PJA2: variants seen among roughly 807,000 people sequenced by gnomAD.
PJA2 encodes the protein praja ring finger ubiquitin ligase 2.
A neutral mutation model predicts 69.3 loss-of-function variants in PJA2; 25 were observed. The observed-to-expected ratio is 0.36, with a 90% confidence interval of 0.26 to 0.50. PJA2 has a LOEUF of 0.50. Ranked by LOEUF, PJA2 falls within the 20% of genes least tolerant of loss-of-function variation. The pLI is 0.96. For missense variants in PJA2, 809 were observed against 830.2 expected (o/e 0.97, Z 0.31); for synonymous variants, 308 against 277.8 (o/e 1.11, Z -1.08).
intron 1 of PJA2, among the ~76,000 whole-genome samples, chr5:109,396,729 T>C (rs1016976880): frequency 1.3e-4 from 15 of 111,852 alleles, no homozygotes; most frequent in Admixed American, 2.7e-4. Context: ...CGGCCTAACA[T>C]GTAAAGTTCT....
rs931596645 is a variant in PJA2 at position 109,384,841 on chromosome 5, C to T, written c.-87-1321G>A. ...GTTTTAACTTTTTTTTTTTTGAGGGCGAGTCTTGCTCTGTCGCCCAGGCTG... is the reference window on the plus strand; with the variant it reads ...GTTTTAACTTTTTTTTTTTTGAGGGTGAGTCTTGCTCTGTCGCCCAGGCTG... On this transcript the variant is annotated intron_variant, in intron 1 of 9. Coordinates refer to ENST00000361189, the MANE Select transcript of PJA2 (RefSeq NM_014819.5). Among the ~76,000 whole-genome samples the T allele has an allele frequency of 1.5e-4, 23 of 151,238 alleles. No individual in the cohort carries two copies. In the East Asian group the frequency reaches 2.7e-3, roughly 18 times the overall value.
chr5:109,401,680 T>C (rs1747554981), intron 1 of PJA2, among the ~76,000 whole-genome samples: 1 of 152,196 alleles, frequency 6.6e-6, no homozygotes, highest in Non-Finnish European at 1.5e-5. Context: ...AACAAAGTAT[T>C]TGTGAAACAA....
chr5:109,356,956 C>G (rs983844205), intron 6 of PJA2, among the ~76,000 whole-genome samples: 11 of 152,138 alleles, frequency 7.2e-5, no homozygotes, highest in African/African-American at 2.7e-4. Flanking sequence ...TTCCTCTAGT[C>G]TTGGAAATAC....
intron 7 of PJA2, among the ~76,000 whole-genome samples, chr5:109,349,974 A>G (rs2126990009): frequency 6.6e-6 from 1 of 152,270 alleles, no homozygotes; most frequent in Non-Finnish European, 1.5e-5. Context: ...ACTACTCAAG[A>G]TAGAACCTGC....
chr5:109,373,482 G>A lies in PJA2; in HGVS notation c.1283+4722C>T, dbSNP rs906904414. Among the ~76,000 whole-genome samples the A allele has an allele frequency of 2.7e-4, 41 of 152,018 alleles. 1 individual carries two copies. Among genetic ancestry groups the A allele is most frequent in the Non-Finnish European group, 8.8e-5 (6 of 67,992 alleles). ...ATTTACATATTTTTAACTTCTACAG[G>A]AAAATAAGAAACGAAGCTAACCATT... On this transcript the variant is annotated intron_variant, in intron 4 of 9. Transcript: ENST00000361189.
intron 9 of PJA2, among the ~76,000 whole-genome samples, chr5:109,339,115 G>A (rs1761996259): frequency 1.0e-5 from 1 of 95,936 alleles, no homozygotes; most frequent in South Asian, 2.7e-4. Flanking sequence ...GAAGAAACAA[G>A]TTGGGGGTCT....
At chr5:109,405,370 A>G (rs1265532712) in intron 1 of PJA2, among the ~76,000 whole-genome samples, 1 of 152,242 alleles carries the variant, frequency 6.6e-6, no homozygotes, top group Admixed American at 6.5e-5. Flanking sequence ...TGCATTCGAC[A>G]CAAACCAAAT....
Position 109,379,095 on chromosome 5 carries a change from G to T in PJA2, c.392C>A (p.Thr131Asn), listed in dbSNP as rs758827347. 1 of 1,613,952 alleles carries T rather than the reference G, an allele frequency of 6.2e-7. No homozygotes were observed. Among genetic ancestry groups the T allele is most frequent in the Non-Finnish European group, 8.5e-7 (1 of 1,179,988 alleles). ...AVHHSEEGRD[T>N]LGSSTNLHNH... ...ATGAAGATTTGTACTGCTTCCTAAG[G>T]TATCCCTGCCTTCCTCACTGTGATG... The change falls in exon 4 of 10, where the codon ACC (threonine) becomes AAC (asparagine). Residue 131 changes from threonine (T) to asparagine (N), a missense_variant. Physicochemically the swap from Thr to Asn is moderately conservative, Grantham distance 65. Transcript: ENST00000361189.
rs1413354187 is a variant in PJA2, at chr5:109,344,808, G to C, written c.1776C>G (p.Ala592=). 1 of 1,608,992 alleles carries C rather than the reference G, an allele frequency of 6.2e-7. No individual in the cohort carries two copies. The highest frequency in any genetic ancestry group is 1.1e-5 in the South Asian group (1 of 90,054). Reference sequence around the variant, plus strand: ...CATCCACTGCAAGAGACTCTAAATGGGCCAGAGCAGTCTGAAAAACAAAAG... The same window carrying C: ...CATCCACTGCAAGAGACTCTAAATGCGCCAGAGCAGTCTGAAAAACAAAAG... The part of the protein sequence containing the change: ...RLAQAMETAL[A]HLESLAVDVE... Residue 592 remains alanine (A), a synonymous_variant, in exon 8 of 10, where the codon GCC becomes GCG. Coordinates refer to ENST00000361189, the MANE Select transcript of PJA2 (RefSeq NM_014819.5).
intron 5 of PJA2, among the ~76,000 whole-genome samples, chr5:109,366,700 C>T (rs191961762): frequency 6.3e-4 from 96 of 152,184 alleles, no homozygotes; most frequent in South Asian, 3.5e-3. Flanking sequence ...ACTGATATAA[C>T]GCCAATATCC....
At position 109,335,321 on chromosome 5, in the gene PJA2, C is replaced by T. The variant is rs575231974; in HGVS notation, c.*1910G>A. ...AACAGATGGAAAGCAAAAAGTACAA[C>T]AGCTATCTTAAGTTCAGCTCTCAAC... On this transcript the variant is annotated 3_prime_UTR_variant, in exon 10 of 10. Coordinates refer to ENST00000361189, the MANE Select transcript of PJA2 (RefSeq NM_014819.5). 4 of 152,756 alleles carry T rather than the reference C, an allele frequency of 2.6e-5. No individual in the cohort carries two copies. The South Asian group carries it at 8.3e-4, about 32-fold the overall frequency. 9.5% of individuals were successfully genotyped at this position (152,756 alleles called of 1,614,324 possible).
intron 1 of PJA2, among the ~76,000 whole-genome samples, chr5:109,392,288 T>C (rs1747300043): frequency 1.3e-5 from 2 of 152,040 alleles, no homozygotes; most frequent in East Asian, 1.9e-4. Context: ...AGACCGGGCA[T>C]GGTGGCTCTT....
At chr5:109,368,421 A>G (rs1449550673) in intron 5 of PJA2, 140 bp downstream of exon 5, 6 of 640,720 alleles carry the variant, frequency 9.4e-6, no homozygotes, top group South Asian at 2.7e-5. Context: ...AAATACCAAA[A>G]GCATAATGAA....
At chr5:109,408,922 C>T (rs1364084250) in intron 1 of PJA2, among the ~76,000 whole-genome samples, 1 of 152,130 alleles carries the variant, frequency 6.6e-6, no homozygotes, top group Non-Finnish European at 1.5e-5. Flanking sequence ...CATGATAAAA[C>T]AGAATACATT....
intron 4 of PJA2, among the ~76,000 whole-genome samples, chr5:109,377,922 A>C (rs898553179): frequency 5.9e-5 from 9 of 152,114 alleles, no homozygotes; most frequent in African/African-American, 2.2e-4. Flanking sequence ...TTTACATTTT[A>C]TTAATTGAAA....
chr5:109,357,132 T>A (rs182051027), intron 6 of PJA2, among the ~76,000 whole-genome samples: 1 of 152,324 alleles, frequency 6.6e-6, no homozygotes, highest in African/African-American at 2.4e-5. Context: ...CCCGAAGCTC[T>A]TGACCTACAT....
At chr5:109,406,924 C>T (rs574790715) in intron 1 of PJA2, among the ~76,000 whole-genome samples, 2 of 152,112 alleles carry the variant, frequency 1.3e-5, no homozygotes, top group African/African-American at 4.8e-5. Flanking sequence ...GAGAAAAAGC[C>T]AGATACAAAA....
At chr5:109,370,423 A>G (rs2431252) in intron 4 of PJA2, among the ~76,000 whole-genome samples, 2,528 of 152,350 alleles carry the variant, frequency 0.017, 27 homozygotes, top group Non-Finnish European at 0.024. Context: ...AACAAACAGT[A>G]GCACTAATCT....
rs770047619 is a variant in PJA2, at chr5:109,378,888, G to A, written c.599C>T (p.Thr200Ile). ...GSRYQESLGNTVFELENREAE... is the reference protein window; with the variant it reads ...GSRYQESLGNIVFELENREAE... ...CTCTCTGTTTTCCAACTCAAATACT[G>A]TATTGCCTAATGATTCCTGGTATCT... is the stretch of plus-strand genomic sequence containing the variant. Residue 200 changes from threonine (T) to isoleucine (I), a missense_variant, in exon 4 of 10, where the codon ACA becomes ATA. This residue lies in a region of PJA2 where 700 missense variants were observed against 639.5 expected (regional missense o/e 1.09). Coordinates refer to ENST00000361189, the MANE Select transcript of PJA2 (RefSeq NM_014819.5). 3 of 1,614,100 alleles carry A rather than the reference G, an allele frequency of 1.9e-6. No individual in the cohort carries two copies. The highest frequency in any genetic ancestry group is 1.7e-6 in the Non-Finnish European group (2 of 1,180,020).
Sources: allele counts gnomAD v4.1 joint callset (sites outside exome capture counted in the v4.1 genomes callset), GRCh38; gene constraint gnomAD v4.1.1; regional missense constraint gnomAD v4.1.1; transcripts MANE v1.5; gene names NCBI Gene and HGNC (gene_info 2026-07-23, HGNC 2026-07-21).